EFCAB5: variants seen among roughly 807,000 people sequenced by gnomAD.
EFCAB5 encodes EF-hand calcium-binding domain-containing protein 5.
EFCAB5 carries 131 observed loss-of-function variants against 167.9 expected under a neutral mutation model. The observed-to-expected ratio is 0.78, with a 90% confidence interval of 0.68 to 0.90. The LOEUF is 0.90. Ranked by LOEUF, EFCAB5 falls within the 40% of genes least tolerant of loss-of-function variation. The pLI is 0.00. For missense variants in EFCAB5, 1,663 were observed against 1,745.2 expected (o/e 0.95, Z 0.84); for synonymous variants, 574 against 602.8 (o/e 0.95, Z 0.70).
intron 4 of EFCAB5, among the ~76,000 whole-genome samples, chr17:29,991,587 C>T (rs760786960): frequency 3.3e-4 from 50 of 152,226 alleles, no homozygotes; most frequent in Non-Finnish European, 6.6e-4. Context: ...ATGCCTTAAG[C>T]GGTTTTCTGC....
chr17:30,028,505 A>G (rs1310384248), intron 7 of EFCAB5, among the ~76,000 whole-genome samples: 2 of 152,208 alleles, frequency 1.3e-5, no homozygotes, highest in Non-Finnish European at 2.9e-5. Flanking sequence ...AAAATATATG[A>G]GAAAAACTTG....
At chr17:29,959,180 AG>A (rs2067674051) in intron 3 of EFCAB5, among the ~76,000 whole-genome samples, 1 of 151,720 alleles carries the variant, frequency 6.6e-6, no homozygotes, top group South Asian at 2.1e-4. Context: ...TCAAGGCCCA[AG>A]GGCTCTTTAG....
intron 8 of EFCAB5, among the ~76,000 whole-genome samples, chr17:30,048,930 A>G (rs1190008338): frequency 6.6e-6 from 1 of 152,162 alleles, no homozygotes; most frequent in Non-Finnish European, 1.5e-5. Context: ...AGAGAAGTTT[A>G]CAAGGACCAA....
At chr17:30,003,880 A>G (rs2068720283) in intron 7 of EFCAB5, among the ~76,000 whole-genome samples, 2 of 152,138 alleles carry the variant, frequency 1.3e-5, no homozygotes, top group African/African-American at 4.8e-5. Flanking sequence ...TGTCTTGGAC[A>G]TTTTGGTTAT....
At chr17:29,964,550 C>T (rs1211072909) in intron 3 of EFCAB5, among the ~76,000 whole-genome samples, 1 of 152,140 alleles carries the variant, frequency 6.6e-6, no homozygotes, top group Non-Finnish European at 1.5e-5. Flanking sequence ...GCCTTGGCCT[C>T]CCAAAGTGCT....
chr17:29,978,028 G>A (rs2068096801), intron 4 of EFCAB5, among the ~76,000 whole-genome samples: 1 of 152,138 alleles, frequency 6.6e-6, no homozygotes, highest in African/African-American at 2.4e-5. Flanking sequence ...GATGCCAGCA[G>A]TAGGATTTGG....
intron 5 of EFCAB5, among the ~76,000 whole-genome samples, chr17:29,995,392 C>T (rs2068523515): frequency 6.6e-6 from 1 of 152,208 alleles, no homozygotes. Flanking sequence ...GACCTTTGCT[C>T]TTGATCAGTC....
upstream of EFCAB5, among the ~76,000 whole-genome samples, chr17:29,940,021 C>T (rs2067277119): frequency 6.6e-6 from 1 of 152,004 alleles, no homozygotes; most frequent in Admixed American, 6.6e-5. Flanking sequence ...TTGTGTGTAC[C>T]TCTACTCTTG....
chr17:30,060,947 C>T (rs761168790), intron 14 of EFCAB5, among the ~76,000 whole-genome samples: 3 of 151,962 alleles, frequency 2.0e-5, no homozygotes, highest in South Asian at 2.1e-4. Context: ...GTTTTCAAAA[C>T]GAAGGCTTTA....
intron 19 of EFCAB5, among the ~76,000 whole-genome samples, chr17:30,089,815 C>T (rs373253081): frequency 6.6e-6 from 1 of 152,182 alleles, no homozygotes; most frequent in Non-Finnish European, 1.5e-5. Context: ...ATGCAAAAAA[C>T]CCCTCCCTTT....
intron 3 of EFCAB5, among the ~76,000 whole-genome samples, chr17:29,962,985 C>T (rs570403540): frequency 6.6e-6 from 1 of 152,150 alleles, no homozygotes; most frequent in African/African-American, 2.4e-5. Flanking sequence ...TTCTGTCTCC[C>T]AGACCAGAGT....
chr17:30,063,941 A>G (rs529065385), intron 14 of EFCAB5, among the ~76,000 whole-genome samples: 24 of 152,236 alleles, frequency 1.6e-4, no homozygotes, highest in Non-Finnish European at 2.9e-4. Context: ...CACAGAGACT[A>G]TACCATTTCA....
chr17:30,074,226 G>C (rs990593743), intron 14 of EFCAB5: 1 of 152,036 alleles, frequency 6.6e-6, no homozygotes, highest in Non-Finnish European at 1.5e-5. Context: ...TTGAACTCTT[G>C]GGCTCAAGCA....
intron 14 of EFCAB5, among the ~76,000 whole-genome samples, chr17:30,060,225 TA>T (rs910611544): frequency 7.8e-4 from 110 of 141,374 alleles, no homozygotes; most frequent in African/African-American, 2.5e-3. Context: ...ACAAAAAAAA[TA>T]AAAAAAAATT....
At chr17:30,085,545 C>G (rs2071070836) in intron 18 of EFCAB5, among the ~76,000 whole-genome samples, 1 of 151,946 alleles carries the variant, frequency 6.6e-6, no homozygotes, top group African/African-American at 2.4e-5. Flanking sequence ...ATGGTGAAAC[C>G]CCGTCTCTAC....
chr17:29,975,826 A>G, intron 4 of EFCAB5, among the ~76,000 whole-genome samples: 1 of 152,232 alleles, frequency 6.6e-6, no homozygotes, highest in Non-Finnish European at 1.5e-5. Context: ...GCAGATTCCT[A>G]GATCCTTCCT....
chr17:30,076,951 A>T (rs1409332054), intron 14 of EFCAB5, among the ~76,000 whole-genome samples: 1 of 152,256 alleles, frequency 6.6e-6, no homozygotes, highest in Non-Finnish European at 1.5e-5. Flanking sequence ...AGTGTTGAAT[A>T]AAAAAGCATG....
chr17:30,023,845 G>A (rs1288867170), intron 7 of EFCAB5, among the ~76,000 whole-genome samples: 2 of 152,200 alleles, frequency 1.3e-5, no homozygotes, highest in Non-Finnish European at 2.9e-5. Flanking sequence ...GATCAAGTGA[G>A]CTTTATCTCT....
chr17:29,944,622 G>GTTTT (rs1442294530), intron 3 of EFCAB5, among the ~76,000 whole-genome samples: 18 of 134,168 alleles, frequency 1.3e-4, no homozygotes, highest in African/African-American at 4.6e-4. Flanking sequence ...TTTCTGTTTT[G>GTTTT]TTTTGTTTTT....
Sources: allele counts gnomAD v4.1 joint callset (sites outside exome capture counted in the v4.1 genomes callset), GRCh38; gene constraint gnomAD v4.1.1; transcripts MANE v1.5; gene names NCBI Gene and HGNC (gene_info 2026-07-23, HGNC 2026-07-21).